VTI1A: variants seen among roughly 807,000 people sequenced by gnomAD.
VTI1A encodes the protein vesicle transport through interaction with t-SNAREs homolog 1A.
Under a neutral mutation model 34.9 loss-of-function variants are expected in VTI1A, and 22 were observed. The ratio of observed to expected loss-of-function variants is 0.63; its 90% CI spans 0.45 to 0.90. VTI1A has a LOEUF of 0.90. VTI1A is among the 40% of genes least tolerant of loss of function. The pLI is 0.00. For missense variants in VTI1A, 268 were observed against 275.6 expected (o/e 0.97, Z 0.20); for synonymous variants, 87 against 97.3 (o/e 0.89, Z 0.62).
intron 3 of VTI1A, among the ~76,000 whole-genome samples, chr10:112,488,551 G>C (rs1848720482): frequency 6.6e-6 from 1 of 152,154 alleles, no homozygotes; most frequent in Admixed American, 6.5e-5. Context: ...TCAGTGGCTT[G>C]AGCAAGAATT....
chr10:112,596,055 C>T (rs1336027827), intron 5 of VTI1A, among the ~76,000 whole-genome samples: 2 of 151,374 alleles, frequency 1.3e-5, no homozygotes, highest in African/African-American at 2.4e-5. Flanking sequence ...AGTAAACTAT[C>T]GCAAGGACAA....
At chr10:112,526,771 A>G (rs1850241647) in intron 3 of VTI1A, among the ~76,000 whole-genome samples, 1 of 152,064 alleles carries the variant, frequency 6.6e-6, no homozygotes, top group Non-Finnish European at 1.5e-5. Flanking sequence ...ACATGCAGTT[A>G]TATAGCTGTA....
chr10:112,608,637 A>G (rs1845179294), intron 5 of VTI1A, among the ~76,000 whole-genome samples: 1 of 152,172 alleles, frequency 6.6e-6, no homozygotes, highest in Non-Finnish European at 1.5e-5. Context: ...ATTCGGAAAG[A>G]TAAGCACCTG....
intron 7 of VTI1A, among the ~76,000 whole-genome samples, chr10:112,758,833 T>C (rs1476749051): frequency 6.6e-6 from 1 of 152,266 alleles, no homozygotes; most frequent in East Asian, 1.9e-4. Flanking sequence ...ATTATTTTCA[T>C]ACACATCATT....
chr10:112,832,721 G>A, the VTI1A span, among the ~76,000 whole-genome samples: 3 of 152,218 alleles, frequency 2.0e-5, no homozygotes, highest in East Asian at 1.9e-4. Flanking sequence ...ATAGGTGAGC[G>A]GAGCCTGAAA....
chr10:112,833,661 C>T, the VTI1A span, among the ~76,000 whole-genome samples: 31 of 152,130 alleles, frequency 2.0e-4, no homozygotes, highest in Admixed American at 3.9e-4. Flanking sequence ...TTATTATGGC[C>T]CTTAGTCATT....
At chr10:112,782,083 A>G (rs1339491921) in intron 7 of VTI1A, among the ~76,000 whole-genome samples, 2 of 152,216 alleles carry the variant, frequency 1.3e-5, no homozygotes, top group Admixed American at 1.3e-4. Flanking sequence ...CGATTACCAC[A>G]GTTTAAAACT....
chr10:112,828,314 G>A, the VTI1A span, among the ~76,000 whole-genome samples: 1 of 152,048 alleles, frequency 6.6e-6, no homozygotes, highest in African/African-American at 2.4e-5. Context: ...CAGTCAGTTA[G>A]CGCACGGTAT....
chr10:112,830,849 A>ATATATATATATATATATATATATTT, the VTI1A span, among the ~76,000 whole-genome samples: 45 of 33,440 alleles, frequency 1.3e-3, no homozygotes, highest in Middle Eastern at 0.021. Context: ...ATATATATAT[A>ATATATATATATATATATATATATTT]TTTTTTTTTT....
chr10:112,743,326 T>C (rs1590141179), intron 7 of VTI1A, among the ~76,000 whole-genome samples: 1 of 152,244 alleles, frequency 6.6e-6, no homozygotes, highest in African/African-American at 2.4e-5. Flanking sequence ...CAATGTTTAC[T>C]ACTTTCCAGA....
intron 7 of VTI1A, among the ~76,000 whole-genome samples, chr10:112,729,008 G>T (rs939083328): frequency 8.5e-5 from 13 of 152,154 alleles, no homozygotes; most frequent in Admixed American, 3.3e-4. Context: ...TAACAACCAT[G>T]ATGCCTTTTA....
intron 7 of VTI1A, among the ~76,000 whole-genome samples, chr10:112,711,759 G>T (rs1201338671): frequency 6.6e-6 from 1 of 152,220 alleles, no homozygotes; most frequent in African/African-American, 2.4e-5. Context: ...CGTACCAACT[G>T]TGTCCTCTGG....
In VTI1A at chr10:112,605,176, C is replaced by T. The variant is rs576382196; in HGVS notation, c.428-63042C>T. On this transcript the variant is annotated intron_variant, in intron 5 of 7. Coordinates refer to ENST00000393077, the MANE Select transcript of VTI1A (RefSeq NM_145206.4). ...CTCCACAGGTTTTGCCCCTTCCAGGCGACCTTGTCCAGGAGTGTGACAAAC... is the reference window on the plus strand; with the variant it reads ...CTCCACAGGTTTTGCCCCTTCCAGGTGACCTTGTCCAGGAGTGTGACAAAC... Among the ~76,000 whole-genome samples the T allele has an allele frequency of 5.3e-5, 8 of 152,222 alleles. No homozygotes were observed. The South Asian group carries it at 1.0e-3, about 20-fold the overall frequency.
At chr10:112,552,071 T>C (rs1851381362) in intron 5 of VTI1A, among the ~76,000 whole-genome samples, 1 of 152,350 alleles carries the variant, frequency 6.6e-6, no homozygotes, top group South Asian at 2.1e-4. Context: ...TCATAAATGT[T>C]GGTAATTGTT....
the VTI1A span, among the ~76,000 whole-genome samples, chr10:112,829,447 A>G: frequency 8.8e-5 from 13 of 147,460 alleles, 1 homozygote; most frequent in Middle Eastern, 3.8e-3. Context: ...CCGTCTCGAA[A>G]AAAAAAAAAA....
At chr10:112,722,954 G>A (rs1849864979) in intron 7 of VTI1A, among the ~76,000 whole-genome samples, 1 of 152,042 alleles carries the variant, frequency 6.6e-6, no homozygotes, top group Non-Finnish European at 1.5e-5. Context: ...GTACAATAAG[G>A]GGCAGTGTCT....
chr10:112,554,971 A>G (rs538820128), intron 5 of VTI1A, among the ~76,000 whole-genome samples: 1 of 152,278 alleles, frequency 6.6e-6, no homozygotes, highest in South Asian at 2.1e-4. Context: ...GCCCATCTTC[A>G]AGATGCATAA....
At chr10:112,854,587 C>T in the VTI1A span, among the ~76,000 whole-genome samples, 3 of 152,142 alleles carry the variant, frequency 2.0e-5, no homozygotes, top group South Asian at 2.1e-4. Context: ...GACTTTCGAC[C>T]GTCTCATTTC....
At chr10:112,544,871 G>T (rs928942263) in intron 5 of VTI1A, among the ~76,000 whole-genome samples, 2 of 152,146 alleles carry the variant, frequency 1.3e-5, no homozygotes, top group Non-Finnish European at 2.9e-5. Context: ...GGAGCACGGG[G>T]CATGATTAGG....
Sources: allele counts gnomAD v4.1 joint callset (sites outside exome capture counted in the v4.1 genomes callset), GRCh38; gene constraint gnomAD v4.1.1; transcripts MANE v1.5; gene names NCBI Gene and HGNC (gene_info 2026-07-23, HGNC 2026-07-21).